STT3B: variants seen among roughly 807,000 people sequenced by gnomAD.
The protein encoded by STT3B is dolichyl-diphosphooligosaccharide--protein glycosyltransferase subunit STT3B.
Under a neutral mutation model 96.8 loss-of-function variants are expected in STT3B, and 29 were observed. The ratio of observed to expected loss-of-function variants is 0.30; its 90% CI spans 0.22 to 0.41. STT3B has a LOEUF of 0.41. Among genes scored for constraint, STT3B ranks in the 10% least tolerant of loss-of-function variants. The probability of loss-of-function intolerance (pLI) is 1.00; values close to 1 mark genes in which losing one functional copy is unlikely to be tolerated. For synonymous variants in STT3B, 367 were observed against 360.0 expected, an observed-to-expected ratio of 1.02 and a Z score of -0.22; for missense variants, 640 against 1,022.3, an observed-to-expected ratio of 0.63 and a Z score of 5.10.
At position 31,637,533 on chromosome 3, in the gene STT3B, G is replaced by A. The variant is rs1258902475; in HGVS notation, c.*1469G>A. The A allele has an allele frequency of 6.6e-6, 1 of 152,100 alleles. No individual in the cohort carries two copies. Among genetic ancestry groups the A allele is most frequent in the Non-Finnish European group, 1.5e-5 (1 of 67,992 alleles). 9.4% of individuals were successfully genotyped at this position (152,100 alleles called of 1,614,324 possible). A position where few individuals can be genotyped will look rare whatever the true frequency, so the allele number is the denominator to read the frequency against. ...GGATTTCTGATACCTTGTCATTTGG[G>A]GGATTTTATTTTACTTTGTTGCTTT... On this transcript the variant is annotated 3_prime_UTR_variant, in exon 16 of 16. Transcript: ENST00000295770.
In STT3B at chr3:31,590,302, G is replaced by A. The variant is rs145201019; in HGVS notation, c.712-6496G>A. Among the ~76,000 whole-genome samples the A allele has an allele frequency of 1.3e-3, 196 of 151,314 alleles. 2 individuals carry two copies. Among genetic ancestry groups the A allele is most frequent in the Middle Eastern group, 6.8e-3 (2 of 294 alleles). ...TTTTTTTTCCTTTATATTTTCAATTGCATTGATTTCTTCGTCTTCATTATT... is the reference window on the plus strand; with the variant it reads ...TTTTTTTTCCTTTATATTTTCAATTACATTGATTTCTTCGTCTTCATTATT... On this transcript the variant is annotated intron_variant, in intron 3 of 15. Coordinates refer to ENST00000295770, the MANE Select transcript of STT3B (RefSeq NM_178862.3).
chr3:31,610,887 G>T (rs1045934735), intron 5 of STT3B, among the ~76,000 whole-genome samples: 1 of 152,140 alleles, frequency 6.6e-6, no homozygotes, highest in Non-Finnish European at 1.5e-5. Flanking sequence ...GCCAGTAACT[G>T]TGCATCCACA....
chr3:31,607,879 C>T (rs1473130450), intron 5 of STT3B, among the ~76,000 whole-genome samples: 6 of 151,968 alleles, frequency 3.9e-5, no homozygotes, highest in Admixed American at 3.3e-4. Flanking sequence ...GGATTACAGG[C>T]GTGAATCACT....
chr3:31,602,391 A>T (rs1038180990), intron 5 of STT3B, among the ~76,000 whole-genome samples: 1 of 152,076 alleles, frequency 6.6e-6, no homozygotes, highest in Non-Finnish European at 1.5e-5. Flanking sequence ...GTGTAAATTT[A>T]AAAATTGGGG....
chr3:31,573,911 TG>T (rs1698210938), intron 1 of STT3B, among the ~76,000 whole-genome samples: 1 of 151,132 alleles, frequency 6.6e-6, no homozygotes, highest in South Asian at 2.1e-4. Flanking sequence ...ATTAGAGAGG[TG>T]GGGGTAAAAA....
chr3:31,629,344 C>T lies in STT3B; in HGVS notation c.2120C>T (p.Ala707Val), dbSNP rs1485446234. 1.2e-6 allele frequency: 2 copies of T among 1,610,974 alleles called. No individual in the cohort carries two copies. Among genetic ancestry groups the T allele is most frequent in the Non-Finnish European group, 1.7e-6 (2 of 1,178,382 alleles). Residue 707 changes from alanine (A) to valine (V), a missense_variant, in exon 14 of 16, where the codon GCA becomes GTA. Physicochemically the swap from Ala to Val is moderately conservative, Grantham distance 64. Transcript: ENST00000295770. Reference protein sequence around the residue: ...TPQGEFRVDKAGSPTLLNCLM... With the variant: ...TPQGEFRVDKVGSPTLLNCLM... ...CAGGGAGAATTCCGTGTAGACAAAG[C>T]AGGATCCCCTACTTTGTTGAATTGC...
chr3:31,634,951 G>A (rs376293378), intron 15 of STT3B, among the ~76,000 whole-genome samples: 39 of 152,264 alleles, frequency 2.6e-4, no homozygotes, highest in African/African-American at 9.4e-4. Context: ...TAACAAGTTA[G>A]CAGTAGCTAA....
At chr3:31,539,141 A>T (rs1697170276) in intron 1 of STT3B, among the ~76,000 whole-genome samples, 1 of 152,118 alleles carries the variant, frequency 6.6e-6, no homozygotes, top group African/African-American at 2.4e-5. Context: ...ACATCTAAAC[A>T]TGTTTTGGAA....
At chr3:31,612,632 G>A (rs935555205) in intron 5 of STT3B, among the ~76,000 whole-genome samples, 2 of 152,052 alleles carry the variant, frequency 1.3e-5, no homozygotes, top group Non-Finnish European at 2.9e-5. Flanking sequence ...ATCTGCTTCT[G>A]TATAAAATGT....
intron 13 of STT3B, among the ~76,000 whole-genome samples, chr3:31,628,987 TC>T (rs1456258829): frequency 1.3e-5 from 2 of 152,090 alleles, no homozygotes; most frequent in Non-Finnish European, 2.9e-5. Flanking sequence ...GGGCCTGTAG[TC>T]CCAGCTACTT....
intron 1 of STT3B, among the ~76,000 whole-genome samples, chr3:31,550,830 G>A (rs542212467): frequency 3.3e-4 from 50 of 152,008 alleles, no homozygotes; most frequent in South Asian, 6.2e-4. Context: ...TTTTAATAGA[G>A]TTCATCAGTC....
rs572615619 is a variant in STT3B, at chr3:31,551,598, C to T, written c.314+18286C>T. ...TGGTACTAGTCGCTTTCTCATTTAC[C>T]GTTCCCACGAATACATGTTAACTTG... On this transcript the variant is annotated intron_variant, in intron 1 of 15. Transcript: ENST00000295770. 3.3e-5 allele frequency among the ~76,000 whole-genome samples: 5 copies of T among 152,264 alleles called. No individual in the cohort carries two copies. In the East Asian group the frequency reaches 7.7e-4, roughly 23 times the overall value.
chr3:31,541,662 C>G (rs761291391), intron 1 of STT3B, among the ~76,000 whole-genome samples: 3 of 151,962 alleles, frequency 2.0e-5, no homozygotes, highest in Non-Finnish European at 4.4e-5. Flanking sequence ...CTGCAAGCTC[C>G]ACCTCTTGGG....
intron 1 of STT3B, among the ~76,000 whole-genome samples, chr3:31,555,564 T>A (rs1316213441): frequency 2.6e-5 from 4 of 152,130 alleles, no homozygotes; most frequent in African/African-American, 7.2e-5. Context: ...CTAAGTCACA[T>A]TACACATTTG....
At chr3:31,534,387 C>T (rs1330989758) in intron 1 of STT3B, among the ~76,000 whole-genome samples, 3 of 152,086 alleles carry the variant, frequency 2.0e-5, no homozygotes, top group Non-Finnish European at 4.4e-5. Flanking sequence ...CTTGCCCAAC[C>T]CGAGTTAGGA....
In STT3B at chr3:31,636,824, A is replaced by G. The variant is rs1699761644; in HGVS notation, c.*760A>G. 6.6e-6 allele frequency: 1 copy of G among 152,180 alleles called. No individual in the cohort carries two copies. The highest frequency in any genetic ancestry group is 6.5e-5 in the Admixed American group (1 of 15,268). 9.4% of individuals were successfully genotyped at this position (152,180 alleles called of 1,614,324 possible). A position where few individuals can be genotyped will look rare whatever the true frequency, so the allele number is the denominator to read the frequency against. On this transcript the variant is annotated 3_prime_UTR_variant, in exon 16 of 16. Transcript: ENST00000295770. The stretch of plus-strand genomic sequence containing the variant: ...TTGGAAATCATGGCAACTACACAGG[A>G]TGTTGCTTACCAGGACGGAGTTTTG...
At chr3:31,542,415 G>A (rs941818845) in intron 1 of STT3B, among the ~76,000 whole-genome samples, 11 of 152,208 alleles carry the variant, frequency 7.2e-5, no homozygotes, top group African/African-American at 2.6e-4. Flanking sequence ...GTATTTTGTT[G>A]TTTATTTGTG....
At chr3:31,631,473 C>T (rs1013184105) in intron 14 of STT3B, among the ~76,000 whole-genome samples, 5 of 152,108 alleles carry the variant, frequency 3.3e-5, no homozygotes, top group African/African-American at 9.7e-5. Context: ...CCTTTTTCTT[C>T]CTCTCTTTTA....
intron 1 of STT3B, among the ~76,000 whole-genome samples, chr3:31,537,862 TTTA>T (rs1249770518): frequency 2.0e-5 from 3 of 152,216 alleles, no homozygotes; most frequent in Admixed American, 2.0e-4. Context: ...AACATTTATC[TTTA>T]TTGTTATATC....
Sources: gnomAD v4.1 joint callset for allele counts (sites outside exome capture counted in the v4.1 genomes callset) on GRCh38, gnomAD v4.1.1 for gene constraint, MANE v1.5 for transcripts, NCBI Gene and HGNC (gene_info 2026-07-23, HGNC 2026-07-21) for gene names.